Variants in PTPRQ observed in about 807,000 individuals in gnomAD.
The protein encoded by PTPRQ is protein tyrosine phosphatase receptor type Q, also known as phosphatidylinositol phosphatase PTPRQ.
Under a neutral mutation model 246.0 loss-of-function variants are expected in PTPRQ, and 199 were observed. The observed-to-expected ratio is 0.81, with a 90% confidence interval of 0.72 to 0.91. PTPRQ has a LOEUF of 0.91. Among genes scored for constraint, PTPRQ ranks in the 40% least tolerant of loss-of-function variants. The pLI is 0.00. For synonymous variants in PTPRQ, 869 were observed against 853.2 expected (o/e 1.02, Z -0.32); for missense variants, 2,624 against 2,528.4 (o/e 1.04, Z -0.81).
intron 41 of PTPRQ, 29 bp from the exon 42 acceptor site, chr12:80,670,315 G>A (rs1156768482): frequency 6.5e-7 from 1 of 1,544,404 alleles, no homozygotes; most frequent in African/African-American, 1.4e-5. Flanking sequence ...AAATAATTTT[G>A]TCATTCATTA....
At chr12:80,543,548 C>T (rs1457870591) in intron 23 of PTPRQ, among the ~76,000 whole-genome samples, 1 of 151,926 alleles carries the variant, frequency 6.6e-6, no homozygotes, top group Admixed American at 6.6e-5. Context: ...TCCCCAAAGG[C>T]AAATGAAGTC....
intron 12 of PTPRQ, 76 bp from the exon 13 acceptor site, chr12:80,495,923 G>T: frequency 6.8e-7 from 1 of 1,462,044 alleles, no homozygotes; most frequent in Non-Finnish European, 9.1e-7. Context: ...TCTTCTTACT[G>T]GCCTTATATT....
intron 17 of PTPRQ, among the ~76,000 whole-genome samples, chr12:80,530,621 A>G (rs1895817122): frequency 6.6e-6 from 1 of 152,178 alleles, no homozygotes; most frequent in South Asian, 2.1e-4. Context: ...GTTTTAATGG[A>G]TCACAAATGA....
At chr12:80,619,182 G>A (rs1229290414) in intron 30 of PTPRQ, among the ~76,000 whole-genome samples, 1 of 151,396 alleles carries the variant, frequency 6.6e-6, no homozygotes, top group Non-Finnish European at 1.5e-5. Flanking sequence ...ATTATCTCAG[G>A]GAAGTCTCAA....
At chr12:80,618,720 C>A (rs1449691011) in intron 30 of PTPRQ, among the ~76,000 whole-genome samples, 1 of 151,368 alleles carries the variant, frequency 6.6e-6, no homozygotes, top group Non-Finnish European at 1.5e-5. Context: ...TGCAGCTGCA[C>A]CATGATATAT....
intron 26 of PTPRQ, among the ~76,000 whole-genome samples, chr12:80,595,565 A>AT: frequency 6.6e-6 from 1 of 151,956 alleles, no homozygotes; most frequent in East Asian, 1.9e-4. Context: ...ACCAGTATAT[A>AT]TTTATTATTA....
At position 80,549,721 on chromosome 12, in the gene PTPRQ, A is replaced by G; in HGVS notation, c.4272A>G (p.Thr1424=). 6.5e-7 allele frequency: 1 copy of G among 1,540,284 alleles called. No individual in the cohort carries two copies. Among genetic ancestry groups the G allele is most frequent in the Non-Finnish European group, 8.8e-7 (1 of 1,141,424 alleles). The change falls in exon 25 of 45, where the codon ACA becomes ACG. Residue 1424 remains threonine, a synonymous_variant. Transcript: ENST00000644991. ...ATGAAAGCACATGCCATGTCAGCACACTACCTGAAACAGGTAACTAACGTG... is the reference window on the plus strand; with the variant it reads ...ATGAAAGCACATGCCATGTCAGCACGCTACCTGAAACAGGTAACTAACGTG... ...EGDESTCHVS[T]LPETVPSVPT...
In PTPRQ at chr12:80,507,744, A is replaced by G. The variant is rs1011104108; in HGVS notation, c.2557+1074A>G. Among the ~76,000 whole-genome samples, 5 of 151,806 alleles carry G rather than the reference A, an allele frequency of 3.3e-5. No homozygotes were observed. The East Asian group carries it at 9.7e-4, about 29-fold the overall frequency. On this transcript the variant is annotated intron_variant, in intron 16 of 44. Transcript: ENST00000644991. Reference sequence around the variant, plus strand: ...CTTACTAATGCTTGCTTTTCCATCAAAACTTACCTGCCCAAATTCCAATTT... The same window carrying G: ...CTTACTAATGCTTGCTTTTCCATCAGAACTTACCTGCCCAAATTCCAATTT...
chr12:80,659,845 G>T (rs896449566), intron 39 of PTPRQ, among the ~76,000 whole-genome samples: 8 of 152,016 alleles, frequency 5.3e-5, no homozygotes, highest in African/African-American at 1.9e-4. Flanking sequence ...TGGTAAGCAG[G>T]CTCAGATGGA....
At chr12:80,562,747 C>T (rs1896863879) in intron 25 of PTPRQ, among the ~76,000 whole-genome samples, 1 of 151,886 alleles carries the variant, frequency 6.6e-6, no homozygotes, top group Non-Finnish European at 1.5e-5. Context: ...AGAATCCAAA[C>T]CATGCAGAAG....
At chr12:80,479,235 GA>G in intron 8 of PTPRQ, among the ~76,000 whole-genome samples, 1 of 148,970 alleles carries the variant, frequency 6.7e-6, no homozygotes, top group Admixed American at 6.7e-5. Context: ...CATTCTTAAA[GA>G]AAAGAATTTT....
Position 80,673,129 on chromosome 12 carries a change from C to T in PTPRQ, c.6603-40C>T, listed in dbSNP as rs565500108. ...TTTATCCCCATCAAAATGAACAACC[C>T]TTTGCTGAATAATTTTCATGTAATT... On this transcript the variant is annotated intron_variant, in intron 42 of 44. Transcript: ENST00000644991. 307 of 1,546,398 alleles carry T rather than the reference C, an allele frequency of 2.0e-4. 2 individuals are homozygous for T. The Admixed American group carries it at 5.8e-3, about 29-fold the overall frequency.
intron 19 of PTPRQ, among the ~76,000 whole-genome samples, chr12:80,537,834 G>T (rs1896033365): frequency 6.6e-6 from 1 of 152,174 alleles, no homozygotes; most frequent in Admixed American, 6.5e-5. Flanking sequence ...AATGGGCCGG[G>T]TGTGGTGGCT....
At chr12:80,552,705 G>T (rs1416371089) in intron 25 of PTPRQ, among the ~76,000 whole-genome samples, 19 of 113,210 alleles carry the variant, frequency 1.7e-4, no homozygotes, top group Non-Finnish European at 2.9e-4. Context: ...TTGGAAATTT[G>T]AATTCCGTCT....
At chr12:80,623,085 G>T (rs1899055795) in intron 33 of PTPRQ, among the ~76,000 whole-genome samples, 1 of 152,110 alleles carries the variant, frequency 6.6e-6, no homozygotes, top group African/African-American at 2.4e-5. Flanking sequence ...GAAAATGTAA[G>T]ACTTCATGTG....
At position 80,597,567 on chromosome 12, in the gene PTPRQ, T is replaced by C. The variant is rs543479484; in HGVS notation, c.4610-7492T>C. The stretch of plus-strand genomic sequence containing the variant: ...CTCCCAAACTTCCTTTACATCTACT[T>C]CCCTAGTCTTCACAGAAGGAGTAAT... On this transcript the variant is annotated intron_variant, in intron 26 of 44. Coordinates refer to ENST00000644991, the MANE Select transcript of PTPRQ (RefSeq NM_001145026.2). Among the ~76,000 whole-genome samples the C allele has an allele frequency of 2.0e-5, 3 of 152,112 alleles. No homozygotes were observed. In the South Asian group the frequency reaches 6.2e-4, roughly 32 times the overall value.
chr12:80,564,214 G>C (rs1042434708), intron 25 of PTPRQ, among the ~76,000 whole-genome samples: 4 of 152,106 alleles, frequency 2.6e-5, no homozygotes, highest in African/African-American at 4.8e-5. Flanking sequence ...CTAGCATTAA[G>C]AGCAGATTTT....
chr12:80,596,609 ATCT>A (rs1897977755), intron 26 of PTPRQ, among the ~76,000 whole-genome samples: 1 of 152,062 alleles, frequency 6.6e-6, no homozygotes, highest in African/African-American at 2.4e-5. Flanking sequence ...TCTTCTGAGA[ATCT>A]TCTTTCTGTC....
At chr12:80,517,932 T>C (rs376367739) in intron 17 of PTPRQ, among the ~76,000 whole-genome samples, 1 of 152,208 alleles carries the variant, frequency 6.6e-6, no homozygotes. Flanking sequence ...TGAAGAGTAC[T>C]GCAACAAACA....
Sources: gnomAD v4.1 joint callset for allele counts (sites outside exome capture counted in the v4.1 genomes callset) on GRCh38, gnomAD v4.1.1 for gene constraint, MANE v1.5 for transcripts, NCBI Gene and HGNC (gene_info 2026-07-23, HGNC 2026-07-21) for gene names.